Variants in FSHR observed in about 807,000 individuals in gnomAD.
FSHR encodes the protein follicle stimulating hormone receptor.
In FSHR, 46 loss-of-function variants were observed where a neutral mutation model predicts 52.1. The ratio of observed to expected loss-of-function variants is 0.88; its 90% confidence interval spans 0.70 to 1.13. The LOEUF is 1.13. FSHR is among the 50% of genes most tolerant of loss of function. FSHR has a pLI of 0.00. For synonymous variants in FSHR, 399 were observed against 309.6 expected, an observed-to-expected ratio of 1.29 and a Z score of -3.03; for missense variants, 964 against 834.6, an observed-to-expected ratio of 1.16 and a Z score of -1.91.
intron 4 of FSHR, among the ~76,000 whole-genome samples, chr2:48,992,409 T>C (rs1314950314): frequency 6.6e-6 from 1 of 152,182 alleles, no homozygotes; most frequent in Non-Finnish European, 1.5e-5. Context: ...TTCCAAAATG[T>C]TATGTCAATG....
chr2:49,032,689 G>T (rs1668141349), intron 2 of FSHR, among the ~76,000 whole-genome samples: 2 of 152,152 alleles, frequency 1.3e-5, no homozygotes, highest in Admixed American at 1.3e-4. Flanking sequence ...GAAAAGTTAG[G>T]TGATTTACCC....
At chr2:49,141,632 A>C (rs1672689906) in intron 1 of FSHR, among the ~76,000 whole-genome samples, 1 of 152,166 alleles carries the variant, frequency 6.6e-6, no homozygotes, top group Non-Finnish European at 1.5e-5. Flanking sequence ...ACACACATCC[A>C]AACTATGTCG....
chr2:49,093,651 T>C (rs1174574163), intron 1 of FSHR, among the ~76,000 whole-genome samples: 2 of 150,022 alleles, frequency 1.3e-5, no homozygotes, highest in East Asian at 2.0e-4. Context: ...CTGGAGTTCA[T>C]TGGTACGATC....
At chr2:49,004,851 TA>T (rs2104159304) in intron 4 of FSHR, among the ~76,000 whole-genome samples, 1 of 152,224 alleles carries the variant, frequency 6.6e-6, no homozygotes, top group African/African-American at 2.4e-5. Flanking sequence ...ATTAATGAGG[TA>T]AGGATACAAC....
At chr2:48,982,817 C>A in intron 8 of FSHR, 95 bp downstream of exon 8, 1 of 1,073,548 alleles carries the variant, frequency 9.3e-7, no homozygotes, top group Non-Finnish European at 1.4e-6. Flanking sequence ...TGATGGCCAG[C>A]CCTGTGTTGG....
intron 1 of FSHR, among the ~76,000 whole-genome samples, chr2:49,081,715 T>C (rs1670177839): frequency 6.6e-6 from 1 of 152,146 alleles, no homozygotes; most frequent in Admixed American, 6.5e-5. Context: ...ACATGATAAA[T>C]GGGGTGGGTG....
chr2:49,144,926 C>T (rs1264158991), intron 1 of FSHR, among the ~76,000 whole-genome samples: 2 of 152,094 alleles, frequency 1.3e-5, no homozygotes, highest in African/African-American at 2.4e-5. Context: ...CAAGAGCATT[C>T]TGTAATTCCT....
intron 3 of FSHR, among the ~76,000 whole-genome samples, chr2:49,018,530 C>T (rs1045532532): frequency 6.6e-6 from 1 of 152,214 alleles, no homozygotes; most frequent in Admixed American, 6.5e-5. Context: ...AAGACCCAAA[C>T]CACTACCTTC....
At position 49,091,317 on chromosome 2, in the gene FSHR, T is replaced by A. The variant is rs573923776; in HGVS notation, c.153-23027A>T. Among the ~76,000 whole-genome samples the A allele has an allele frequency of 1.2e-4, 19 of 152,168 alleles. No individual in the cohort carries two copies. In the South Asian group the frequency reaches 1.7e-3, roughly 13 times the overall value. ...TGAGGTTTAGAACATTAAAAAAAAA[T>A]TTTTGAGACATGGTCTTGTTCTGTC... On this transcript the variant is annotated intron_variant, in intron 1 of 9. Transcript: ENST00000406846.
chr2:49,108,919 A>G (rs909743388), intron 1 of FSHR, among the ~76,000 whole-genome samples: 1 of 152,186 alleles, frequency 6.6e-6, no homozygotes, highest in Non-Finnish European at 1.5e-5. Context: ...CATGAAGGGA[A>G]CAAAGGGACA....
chr2:49,126,288 C>G (rs1346387313), intron 1 of FSHR, among the ~76,000 whole-genome samples: 1 of 146,036 alleles, frequency 6.8e-6, no homozygotes, highest in African/African-American at 2.6e-5. Flanking sequence ...GGTGGAAAGG[C>G]AAGAGAGCAC....
At chr2:49,084,002 A>G (rs1428187669) in intron 1 of FSHR, among the ~76,000 whole-genome samples, 23 of 151,636 alleles carry the variant, frequency 1.5e-4, no homozygotes, top group Non-Finnish European at 2.5e-4. Context: ...GACCTAATAG[A>G]CATCTACAGA....
At chr2:48,992,308 C>T (rs1039352929) in intron 4 of FSHR, among the ~76,000 whole-genome samples, 1 of 152,142 alleles carries the variant, frequency 6.6e-6, no homozygotes. Context: ...TTTCTAAATT[C>T]CCTTGTGTTT....
intron 1 of FSHR, among the ~76,000 whole-genome samples, chr2:49,108,660 A>G (rs1170132891): frequency 6.6e-6 from 1 of 152,186 alleles, no homozygotes; most frequent in Admixed American, 6.5e-5. Context: ...GCAAAGCAGA[A>G]CAAGGCATGT....
chr2:49,043,487 GTTATGTCTA>G (rs1373501976), intron 2 of FSHR, among the ~76,000 whole-genome samples: 1 of 152,150 alleles, frequency 6.6e-6, no homozygotes, highest in African/African-American at 2.4e-5. Context: ...CCAAACCTAA[GTTATGTCTA>G]TTCTTTGGAG....
In FSHR at chr2:49,086,267, A is replaced by T. The variant is rs80317696; in HGVS notation, c.153-17977T>A. On this transcript the variant is annotated intron_variant, in intron 1 of 9. Coordinates refer to ENST00000406846, the MANE Select transcript of FSHR (RefSeq NM_000145.4). ...TAGAGAAATTTGAATAGGTGCCAGC[A>T]CTTTACATTGTGAGAGTTCATCTAA... 8.6e-3 allele frequency among the ~76,000 whole-genome samples: 1,311 copies of T among 152,310 alleles called. 17 individuals carry two copies. The highest frequency in any genetic ancestry group is 0.031 in the Middle Eastern group (9 of 294).
chr2:49,036,756 G>T (rs527876479), intron 2 of FSHR, among the ~76,000 whole-genome samples: 2 of 152,286 alleles, frequency 1.3e-5, no homozygotes, highest in South Asian at 4.1e-4. Context: ...TATCTTTAAA[G>T]GAGAGGGTGA....
chr2:48,994,391 GC>G (rs912643570), intron 4 of FSHR, among the ~76,000 whole-genome samples: 3 of 152,248 alleles, frequency 2.0e-5, no homozygotes, highest in Admixed American at 2.0e-4. Context: ...ATCTGCAGAT[GC>G]ACATTGAGAT....
intron 4 of FSHR, among the ~76,000 whole-genome samples, chr2:48,995,716 G>T (rs576651012): frequency 6.6e-6 from 1 of 152,106 alleles, no homozygotes; most frequent in Non-Finnish European, 1.5e-5. Context: ...GGAATTCACA[G>T]AAGTAATCAG....
Sources: gnomAD v4.1 joint callset for allele counts (sites outside exome capture counted in the v4.1 genomes callset) on GRCh38, gnomAD v4.1.1 for gene constraint, MANE v1.5 for transcripts, NCBI Gene and HGNC (gene_info 2026-07-23, HGNC 2026-07-21) for gene names.